MUCL3: variants seen among roughly 807,000 people sequenced by gnomAD.
MUCL3 encodes the protein mucin-like protein 3.
MUCL3 carries 42 observed loss-of-function variants against 70.2 expected under a neutral mutation model. The ratio of observed to expected loss-of-function variants is 0.60; its 90% CI spans 0.47 to 0.77. The LOEUF (loss-of-function observed/expected upper bound fraction) is 0.77. Ranked by LOEUF, MUCL3 falls within the 30% of genes least tolerant of loss-of-function variation. The pLI, the probability that MUCL3 is intolerant of heterozygous loss-of-function variation, is 0.00. For synonymous variants in MUCL3, 522 were observed against 647.0 expected (o/e 0.81, Z 2.93); for missense variants, 1,429 against 1,670.0 (o/e 0.86, Z 2.52).
chr6:30,948,829 A>G lies in MUCL3; in HGVS notation c.365A>G (p.Glu122Gly). ...TDNHEAPPTS[E>G]ENSSNQGKDP... Reference sequence around the variant, plus strand: ...AATCATGAGGCTCCTCCCACTTCTGAAGAAAACTCCAGCAACCAAGGGAAA... The same window carrying G: ...AATCATGAGGCTCCTCCCACTTCTGGAGAAAACTCCAGCAACCAAGGGAAA... The change falls in exon 2 of 3, where the codon GAA (glutamate) becomes GGA (glycine). Residue 122 changes from glutamate (E) to glycine (G), a missense_variant. By Grantham distance (98) the Glu-to-Gly change is moderately conservative. Transcript: ENST00000462446. The G allele has an allele frequency of 6.4e-7, 1 of 1,551,692 alleles. No individual in the cohort carries two copies. Among genetic ancestry groups the G allele is most frequent in the Admixed American group, 2.0e-5 (1 of 51,002 alleles).
rs1415916306 is a variant in MUCL3 at position 30,951,852 on chromosome 6, G to C, written c.3388G>C (p.Asp1130His). ...TGCAGCAGAGTCTACAGAACATAGAGATAGGGCTACATCAGCCAATGTGAT... is the reference window on the plus strand; with the variant it reads ...TGCAGCAGAGTCTACAGAACATAGACATAGGGCTACATCAGCCAATGTGAT... Reference protein sequence around the residue: ...SSAAESTEHRDRATSANVITP... With the variant: ...SSAAESTEHRHRATSANVITP... Residue 1130 changes from aspartate (D) to histidine (H), a missense_variant, in exon 2 of 3, where the codon GAT becomes CAT. Physicochemically the swap from Asp to His is moderately conservative, Grantham distance 81. Transcript: ENST00000462446. 1 of 1,602,344 alleles carries C rather than the reference G, an allele frequency of 6.2e-7. No homozygotes were observed. Among genetic ancestry groups the C allele is most frequent in the Admixed American group, 1.7e-5 (1 of 57,246 alleles).
chr6:30,948,486 G>C (rs1760415572), intron 1 of MUCL3, 61 bp from the exon 2 acceptor site: 2 of 1,301,944 alleles, frequency 1.5e-6, no homozygotes, highest in Non-Finnish European at 2.1e-6. Flanking sequence ...GAAGGAGGTG[G>C]GAAGGGGGAG....
intron 1 of MUCL3, among the ~76,000 whole-genome samples, chr6:30,941,608 TGC>T (rs1795583390): frequency 1.1e-5 from 1 of 93,166 alleles, no homozygotes; most frequent in Non-Finnish European, 2.5e-5. Context: ...TACAGGCACC[TGC>T]CACCACGCCT....
At position 30,951,994 on chromosome 6, in the gene MUCL3, C is replaced by T; in HGVS notation, c.3530C>T (p.Thr1177Ile). 7.4e-6 allele frequency: 12 copies of T among 1,612,644 alleles called. No individual in the cohort carries two copies. Among genetic ancestry groups the T allele is most frequent in the Non-Finnish European group, 1.0e-5 (12 of 1,179,842 alleles). ...CACCCAGAAAAGACCACGTCAACCA[C>T]AGAGAAAACCACAAGAACCCCAGAA... is the stretch of plus-strand genomic sequence containing the variant. Reference protein sequence around the residue: ...TEHPEKTTSTTEKTTRTPEKP... With the variant: ...TEHPEKTTSTIEKTTRTPEKP... Residue 1177 changes from threonine to isoleucine, a missense_variant, in exon 2 of 3, where the codon ACA becomes ATA. Transcript: ENST00000462446.
In MUCL3 at chr6:30,950,537, G is replaced by C. The variant is rs1044756948; in HGVS notation, c.2073G>C (p.Glu691Asp). ...ENGQRTPFAN[E>D]KTTSSSAEPT... is the part of the protein sequence containing the mutation. ...GACAAAGGACCCCATTTGCCAATGAGAAAACCACATCATCCTCAGCAGAGC... is the reference window on the plus strand; with the variant it reads ...GACAAAGGACCCCATTTGCCAATGACAAAACCACATCATCCTCAGCAGAGC... The change falls in exon 2 of 3, where the codon GAG (glutamate) becomes GAC (aspartate). Residue 691 changes from glutamate to aspartate, a missense_variant. By Grantham distance (45) the Glu-to-Asp change is conservative. Transcript: ENST00000462446. The C allele has an allele frequency of 6.5e-6, 10 of 1,546,834 alleles. No individual in the cohort carries two copies. The highest frequency in any genetic ancestry group is 4.2e-5 in the African/African-American group (3 of 70,868).
At chr6:30,944,297 C>A (rs919999050) in intron 1 of MUCL3, among the ~76,000 whole-genome samples, 1 of 149,338 alleles carries the variant, frequency 6.7e-6, no homozygotes, top group Non-Finnish European at 1.5e-5. Flanking sequence ...TTTCTTTCTT[C>A]TTTCGACAGA....
chr6:30,941,247 G>A (rs1219146419), intron 1 of MUCL3, among the ~76,000 whole-genome samples, 166 bp downstream of exon 1: 1 of 152,180 alleles, frequency 6.6e-6, no homozygotes, highest in African/African-American at 2.4e-5. Flanking sequence ...ACATGTAGTA[G>A]GAGATGAAAT....
chr6:30,952,558 T>G (rs1038833770), intron 2 of MUCL3, 59 bp downstream of exon 2: 2 of 1,510,132 alleles, frequency 1.3e-6, no homozygotes, highest in Admixed American at 4.4e-5. Flanking sequence ...TGAGGATACA[T>G]TAGGGGTCAG....
rs540486620 is a variant in MUCL3, at chr6:30,950,612, A to C, written c.2148A>C (p.Leu716=). ...RTPLANENTT[L]SPAEPTENRE... is the part of the protein sequence containing the mutation. Reference sequence around the variant, plus strand: ...CACTGGCCAATGAGAACACCACACTATCCCCAGCAGAGCCTACAGAAAATA... The same window carrying C: ...CACTGGCCAATGAGAACACCACACTCTCCCCAGCAGAGCCTACAGAAAATA... Residue 716 remains leucine (L), a synonymous_variant, in exon 2 of 3, where the codon CTA becomes CTC. Transcript: ENST00000462446. 6.5e-7 allele frequency: 1 copy of C among 1,549,134 alleles called. No homozygotes were observed. Among genetic ancestry groups the C allele is most frequent in the South Asian group, 1.2e-5 (1 of 83,750 alleles).
At position 30,951,874 on chromosome 6, in the gene MUCL3, T is replaced by G. The variant is rs1760724510; in HGVS notation, c.3410T>G (p.Val1137Gly). The G allele has an allele frequency of 6.2e-7, 1 of 1,608,780 alleles. No homozygotes were observed. Among genetic ancestry groups the G allele is most frequent in the South Asian group, 1.1e-5 (1 of 90,372 alleles). ...EHRDRATSAN[V>G]ITPAPAEPIK... ...AGAGATAGGGCTACATCAGCCAATG[T>G]GATCACACCAGCCCCAGCAGAGCCT... The change falls in exon 2 of 3, where the codon GTG (valine) becomes GGG (glycine). Residue 1137 changes from valine to glycine, a missense_variant. By Grantham distance (109) the Val-to-Gly change is moderately radical. Coordinates refer to ENST00000462446, the MANE Select transcript of MUCL3 (RefSeq NM_080870.4).
rs1760723050 is a variant in MUCL3 at position 30,951,853 on chromosome 6, A to G, written c.3389A>G (p.Asp1130Gly). 6.2e-6 allele frequency: 10 copies of G among 1,602,968 alleles called. No homozygotes were observed. Among genetic ancestry groups the G allele is most frequent in the Non-Finnish European group, 8.5e-6 (10 of 1,175,170 alleles). ...GCAGCAGAGTCTACAGAACATAGAG[A>G]TAGGGCTACATCAGCCAATGTGATC... ...SSAAESTEHR[D>G]RATSANVITP... Residue 1130 changes from aspartate to glycine, a missense_variant, in exon 2 of 3, where the codon GAT becomes GGT. By Grantham distance (94) the Asp-to-Gly change is moderately conservative. Transcript: ENST00000462446.
chr6:30,948,446 A>T, intron 1 of MUCL3, 101 bp from the exon 2 acceptor site: 1 of 904,848 alleles, frequency 1.1e-6, no homozygotes, highest in East Asian at 2.7e-5. Flanking sequence ...CTGGGGAGTC[A>T]TATCAGGGGG....
Position 30,950,182 on chromosome 6 carries a change from C to A in MUCL3, c.1718C>A (p.Thr573Asn). The change falls in exon 2 of 3, where the codon ACC becomes AAC. Residue 573 changes from threonine (T) to asparagine (N), a missense_variant. By Grantham distance (65) the Thr-to-Asn change is moderately conservative. Coordinates refer to ENST00000462446, the MANE Select transcript of MUCL3 (RefSeq NM_080870.4). ...AGGACTCCTTTGGCCAATGAGAAGA[C>A]CACGCCATCTCTAGCAGAGCCTACA... Reference protein sequence around the residue: ...GDRTPLANEKTTPSLAEPTEN... With the variant: ...GDRTPLANEKNTPSLAEPTEN... 6.5e-7 allele frequency: 1 copy of A among 1,548,810 alleles called. No individual in the cohort carries two copies. Among genetic ancestry groups the A allele is most frequent in the East Asian group, 2.5e-5 (1 of 40,762 alleles).
At chr6:30,947,203 T>C (rs1449403564) in intron 1 of MUCL3, among the ~76,000 whole-genome samples, 2 of 152,136 alleles carry the variant, frequency 1.3e-5, no homozygotes, top group Non-Finnish European at 2.9e-5. Context: ...TTACTGGTAT[T>C]GCTGCCAAGG....
chr6:30,950,352 G>A lies in MUCL3; in HGVS notation c.1888G>A (p.Ala630Thr). 6.4e-7 allele frequency: 1 copy of A among 1,550,496 alleles called. No individual in the cohort carries two copies. The highest frequency in any genetic ancestry group is 8.7e-7 in the Non-Finnish European group (1 of 1,146,776). Residue 630 changes from alanine (A) to threonine (T), a missense_variant, in exon 2 of 3, where the codon GCC becomes ACC. Coordinates refer to ENST00000462446, the MANE Select transcript of MUCL3 (RefSeq NM_080870.4). ...AEPTENRERT[A>T]NENTTPSPAG... is the part of the protein sequence containing the mutation. ...GCCTACAGAAAATAGAGAAAGGACA[G>A]CCAATGAGAACACCACACCATCCCC...
rs1760559113 is a variant in MUCL3 at position 30,950,094 on chromosome 6, A to T, written c.1630A>T (p.Arg544Ter). The change falls in exon 2 of 3, where the codon AGA becomes TGA. Residue 544 changes from arginine to a stop codon, truncating the protein, a stop_gained. Transcript: ENST00000462446. LOFTEE classifies it high-confidence loss of function. ...TPSPAEPTENRERTANEKTTP... is the reference protein window; with the variant it reads ...TPSPAEPTEN Reference sequence around the variant, plus strand: ...ATCCCCAGCAGAGCCTACAGAAAATAGAGAAAGGACAGCCAATGAGAAGAC... The same window carrying T: ...ATCCCCAGCAGAGCCTACAGAAAATTGAGAAAGGACAGCCAATGAGAAGAC... 5 of 1,549,018 alleles carry T rather than the reference A, an allele frequency of 3.2e-6. 1 individual carries two copies. Among genetic ancestry groups the T allele is most frequent in the Non-Finnish European group, 4.4e-6 (5 of 1,146,094 alleles).
rs932993439 is a variant in MUCL3, at chr6:30,949,446, G to A, written c.982G>A (p.Glu328Lys). ...CCCAGCAGAGCCTATAGAAAATAGA[G>A]AAAGGACAGCCAATGAGAACACCGC... is the stretch of plus-strand genomic sequence containing the variant. ...LSPAEPIENR[E>K]RTANENTAPF... The change falls in exon 2 of 3, where the codon GAA (glutamate) becomes AAA (lysine). Residue 328 changes from glutamate (E) to lysine (K), a missense_variant. Coordinates refer to ENST00000462446, the MANE Select transcript of MUCL3 (RefSeq NM_080870.4). The A allele has an allele frequency of 6.6e-7, 1 of 1,509,904 alleles. No homozygotes were observed. The highest frequency in any genetic ancestry group is 8.9e-7 in the Non-Finnish European group (1 of 1,121,532). 93.5% of individuals were successfully genotyped at this position (1,509,904 alleles called of 1,614,324 possible).
chr6:30,951,739 C>T lies in MUCL3; in HGVS notation c.3275C>T (p.Ser1092Leu), dbSNP rs767368704. 6.1e-5 allele frequency: 95 copies of T among 1,552,162 alleles called. No individual in the cohort carries two copies. In the Middle Eastern group the frequency reaches 1.0e-3, roughly 16 times the overall value. ...ACAGAACATGGAGCAAAAACTACGT[C>T]GGCCAATGAGAAGATCACACCATCC... ...GPTEHGAKTT[S>L]ANEKITPSLA... Residue 1092 changes from serine to leucine, a missense_variant, in exon 2 of 3, where the codon TCG becomes TTG. Transcript: ENST00000462446.
At chr6:30,952,622 CAGTAATAGAGGGAG>C in intron 2 of MUCL3, 123 bp downstream of exon 2, 1 of 1,115,954 alleles carries the variant, frequency 9.0e-7, no homozygotes. Context: ...GTGGGAGGAA[CAGTAATAGAGGGAG>C]AGTTTTGGTG....
Sources: allele counts gnomAD v4.1 joint callset (sites outside exome capture counted in the v4.1 genomes callset), GRCh38; gene constraint gnomAD v4.1.1; transcripts MANE v1.5; gene names NCBI Gene and HGNC (gene_info 2026-07-23, HGNC 2026-07-21).